Variants in ANO5 observed in about 807,000 individuals in gnomAD.
ANO5 encodes the protein anoctamin-5.
A neutral mutation model predicts 121.0 loss-of-function variants in ANO5; 109 were observed. The observed-to-expected ratio is 0.90, with a 90% CI of 0.77 to 1.06. ANO5 has a LOEUF of 1.06. Among genes scored for constraint, ANO5 ranks in the 50% least tolerant of loss-of-function variants. The pLI, the probability that ANO5 is intolerant of heterozygous loss-of-function variation, is 0.00. For synonymous variants in ANO5, 406 were observed against 359.9 expected, an observed-to-expected ratio of 1.13 and a Z score of -1.45; for missense variants, 1,064 against 1,078.5, an observed-to-expected ratio of 0.99 and a Z score of 0.19.
At position 22,280,966 on chromosome 11, in the gene ANO5, TTAA is replaced by T. The variant is rs1469064670; in HGVS notation, c.*1206_*1208del. 1 of 152,010 alleles carries T rather than the reference TTAA, an allele frequency of 6.6e-6. No homozygotes were observed. The highest frequency in any genetic ancestry group is 1.5e-5 in the Non-Finnish European group (1 of 67,894). 9.4% of individuals were successfully genotyped at this position (152,010 alleles called of 1,614,324 possible). On this transcript the variant is annotated 3_prime_UTR_variant, in exon 22 of 22. Coordinates refer to ENST00000324559, the MANE Select transcript of ANO5 (RefSeq NM_213599.3). ...ACCAACTAAGAATGAGTTCATGGAC[TTAA>T]TAATCTAAGGGGGAAAAAATGTTTG...
Position 22,279,627 on chromosome 11 carries a change from A to AAAGTT in ANO5, c.2607_2611dup (p.Met871SerfsTer2). The AAAGTT allele has an allele frequency of 1.9e-6, 3 of 1,613,076 alleles. No individual in the cohort carries two copies. The highest frequency in any genetic ancestry group is 1.7e-6 in the Non-Finnish European group (2 of 1,179,226). Reference sequence around the variant, plus strand: ...ATGTTGTGGAGAGAATCAAGAGAGAAAAGTTAATGACTATCAAGATTCTCC... The same window carrying AAAGTT: ...ATGTTGTGGAGAGAATCAAGAGAGAAAAGTTAAGTTAATGACTATCAAGATTCTCC... On this transcript the variant is annotated frameshift_variant, in exon 22 of 22. Coordinates refer to ENST00000324559, the MANE Select transcript of ANO5 (RefSeq NM_213599.3). LOFTEE classifies it low-confidence loss of function (END_TRUNC).
At chr11:22,231,576 A>G (rs1205363942) in intron 7 of ANO5, among the ~76,000 whole-genome samples, 1 of 151,948 alleles carries the variant, frequency 6.6e-6, no homozygotes, top group African/African-American at 2.4e-5. Context: ...TAGTATAGAT[A>G]TAATTTTATT....
intron 17 of ANO5, among the ~76,000 whole-genome samples, chr11:22,267,287 G>A (rs1382823895): frequency 6.6e-6 from 1 of 151,434 alleles, no homozygotes; most frequent in African/African-American, 2.4e-5. Context: ...ACGTGGATGG[G>A]ATTTTTACGT....
intron 9 of ANO5, among the ~76,000 whole-genome samples, chr11:22,243,996 A>G (rs1042607482): frequency 2.9e-5 from 2 of 68,420 alleles, no homozygotes; most frequent in African/African-American, 7.9e-5. Context: ...GTCTCTTTAT[A>G]GTGTCTTTGG....
chr11:22,252,073 G>T (rs1339788786), intron 12 of ANO5, among the ~76,000 whole-genome samples: 1 of 119,742 alleles, frequency 8.4e-6, no homozygotes, highest in Admixed American at 8.4e-5. Flanking sequence ...GGCAAGGGCT[G>T]CATTATCCAG....
intron 3 of ANO5, 43 bp downstream of exon 3, chr11:22,211,357 T>C: frequency 6.3e-7 from 1 of 1,579,636 alleles, no homozygotes; most frequent in Non-Finnish European, 8.7e-7. Context: ...TGGACACAAA[T>C]GGGGCATCTT....
At chr11:22,215,642 A>C (rs1337361504) in intron 3 of ANO5, among the ~76,000 whole-genome samples, 2 of 151,990 alleles carry the variant, frequency 1.3e-5, no homozygotes, top group Non-Finnish European at 2.9e-5. Flanking sequence ...AACAACATGC[A>C]TTATATTCTT....
chr11:22,266,522 CA>C (rs1220039028), intron 17 of ANO5, among the ~76,000 whole-genome samples: 1 of 152,090 alleles, frequency 6.6e-6, no homozygotes, highest in Middle Eastern at 3.2e-3. Flanking sequence ...TTCTGATTAA[CA>C]ACATGAATAA....
intron 12 of ANO5, among the ~76,000 whole-genome samples, chr11:22,252,428 A>G (rs1438697087): frequency 6.6e-6 from 1 of 152,178 alleles, no homozygotes. Flanking sequence ...TAAATAGAGG[A>G]GTGGGTGTGT....
intron 4 of ANO5, among the ~76,000 whole-genome samples, chr11:22,219,515 C>T (rs1211808743): frequency 2.0e-5 from 3 of 151,580 alleles, no homozygotes; most frequent in African/African-American, 7.3e-5. Context: ...CTCTATCATA[C>T]AAAATATGAC....
Position 22,227,329 on chromosome 11 carries a change from G to A in ANO5, c.391G>A (p.Val131Ile). Reference protein sequence around the residue: ...RDSEDGRTYFVKIHAPWEVLV... With the variant: ...RDSEDGRTYFIKIHAPWEVLV... ...CTCGGAAGATGGAAGAACTTATTTT[G>A]TCAAGATCCATGCCCCTTGGGAGGT... The change falls in exon 7 of 22, where the codon GTC becomes ATC. Residue 131 changes from valine (V) to isoleucine (I), a missense_variant. Coordinates refer to ENST00000324559, the MANE Select transcript of ANO5 (RefSeq NM_213599.3). 1 of 1,612,980 alleles carries A rather than the reference G, an allele frequency of 6.2e-7. No homozygotes were observed. The highest frequency in any genetic ancestry group is 8.5e-7 in the Non-Finnish European group (1 of 1,179,586).
chr11:22,222,476 G>A (rs12286526), intron 5 of ANO5, among the ~76,000 whole-genome samples: 4,323 of 151,808 alleles, frequency 0.028, 77 homozygotes, highest in Middle Eastern at 0.048. Flanking sequence ...TTATAATTTC[G>A]TTTTACATGT....
chr11:22,231,367 G>A (rs1853035666), intron 7 of ANO5, among the ~76,000 whole-genome samples: 1 of 151,714 alleles, frequency 6.6e-6, no homozygotes, highest in African/African-American at 2.4e-5. Flanking sequence ...TACGACTGAA[G>A]CACAGTTTCA....
At chr11:22,274,163 TACACACACACACACAC>T (rs34022294) in intron 19 of ANO5, among the ~76,000 whole-genome samples, 84 of 143,844 alleles carry the variant, frequency 5.8e-4, no homozygotes, top group African/African-American at 1.7e-3. Flanking sequence ...GTTAATCTCT[TACACACACACACACAC>T]ACACACACAC....
At chr11:22,227,783 G>A (rs1435608497) in intron 7 of ANO5, among the ~76,000 whole-genome samples, 197 bp downstream of exon 7, 1 of 152,086 alleles carries the variant, frequency 6.6e-6, no homozygotes, top group Non-Finnish European at 1.5e-5. Flanking sequence ...TCAAACTGTT[G>A]TTTAAAAGTG....
chr11:22,199,399 A>G (rs1381573799), intron 1 of ANO5, among the ~76,000 whole-genome samples: 1 of 152,132 alleles, frequency 6.6e-6, no homozygotes, highest in Non-Finnish European at 1.5e-5. Flanking sequence ...ATGCTAGGAA[A>G]TGTTTTGTTT....
chr11:22,212,509 G>C (rs1852314576), intron 3 of ANO5, among the ~76,000 whole-genome samples: 1 of 151,746 alleles, frequency 6.6e-6, no homozygotes, highest in Non-Finnish European at 1.5e-5. Flanking sequence ...ATAGTAATTT[G>C]TAATTTTCCC....
Position 22,250,140 on chromosome 11 carries a change from G to A in ANO5, c.879-97G>A, listed in dbSNP as rs1256539705. 3 of 1,185,134 alleles carry A rather than the reference G, an allele frequency of 2.5e-6. No homozygotes were observed. The African/African-American group carries it at 4.6e-5, about 18-fold the overall frequency. The allele number at this position is 1,185,134 out of a possible 1,614,324, so 73.4% of individuals were successfully genotyped here. ...AATTACATGTCTAGAAAGCAGTGGA[G>A]CCAAAATTAGAATATATGCCTGTCT... is the stretch of plus-strand genomic sequence containing the variant. On this transcript the variant is annotated intron_variant, in intron 9 of 21. Coordinates refer to ENST00000324559, the MANE Select transcript of ANO5 (RefSeq NM_213599.3).
intron 5 of ANO5, among the ~76,000 whole-genome samples, chr11:22,225,120 A>G (rs1852780289): frequency 6.6e-6 from 1 of 152,082 alleles, no homozygotes; most frequent in South Asian, 2.1e-4. Context: ...AACTCAATAA[A>G]AATGTTTTAA....
Sources: allele counts gnomAD v4.1 joint callset (sites outside exome capture counted in the v4.1 genomes callset), GRCh38; gene constraint gnomAD v4.1.1; transcripts MANE v1.5; gene names NCBI Gene and HGNC (gene_info 2026-07-23, HGNC 2026-07-21).